PRKAR2B: variants seen among roughly 807,000 people sequenced by gnomAD.
PRKAR2B encodes cAMP-dependent protein kinase type II-beta regulatory subunit.
PRKAR2B carries 14 observed loss-of-function variants against 49.9 expected under a neutral mutation model. The ratio of observed to expected loss-of-function variants is 0.28; its 90% CI spans 0.19 to 0.44. The LOEUF is 0.44. PRKAR2B is among the 20% of genes least tolerant of loss of function. PRKAR2B has a pLI of 1.00. For missense variants in PRKAR2B, 393 were observed against 537.9 expected, an observed-to-expected ratio of 0.73 and a Z score of 2.67; for synonymous variants, 196 against 197.7, an observed-to-expected ratio of 0.99 and a Z score of 0.07.
intron 5 of PRKAR2B, among the ~76,000 whole-genome samples, chr7:107,143,878 G>A (rs1331642248): frequency 6.6e-6 from 1 of 151,984 alleles, no homozygotes; most frequent in Non-Finnish European, 1.5e-5. Flanking sequence ...TTCTATATAT[G>A]CAAATATTCT....
Position 107,146,406 on chromosome 7 carries a change from A to G in PRKAR2B, c.686A>G (p.Asn229Ser), listed in dbSNP as rs374034733. The change falls in exon 6 of 11, where the codon AAT becomes AGT. Residue 229 changes from asparagine (N) to serine (S), a missense_variant. Asn to Ser is a conservative substitution (Grantham distance 46). Coordinates refer to ENST00000265717, the MANE Select transcript of PRKAR2B (RefSeq NM_002736.3). Reference protein sequence around the residue: ...GSFGELALMYNTPRAATITAT... With the variant: ...GSFGELALMYSTPRAATITAT... ...TTCGGCGAACTGGCCTTAATGTACA[A>G]TACACCCAGAGCAGCTACAATCACT... The G allele has an allele frequency of 5.0e-6, 8 of 1,614,062 alleles. No homozygotes were observed. Among genetic ancestry groups the G allele is most frequent in the East Asian group, 2.2e-5 (1 of 44,898 alleles).
At position 107,122,007 on chromosome 7, in the gene PRKAR2B, A is replaced by G; in HGVS notation, c.396+3A>G. ...AAGAAGATGATGCAGAGTCCAGGGTATGTAATTTACTGAATGAATGAATTT... is the reference window on the plus strand; with the variant it reads ...AAGAAGATGATGCAGAGTCCAGGGTGTGTAATTTACTGAATGAATGAATTT... On this transcript the variant is annotated splice_donor_region_variant and intron_variant, in intron 3 of 10. Coordinates refer to ENST00000265717, the MANE Select transcript of PRKAR2B (RefSeq NM_002736.3). 1 of 1,578,966 alleles carries G rather than the reference A, an allele frequency of 6.3e-7. No homozygotes were observed. The highest frequency in any genetic ancestry group is 8.6e-7 in the Non-Finnish European group (1 of 1,156,572).
chr7:107,122,088 G>T (rs1043362192), intron 3 of PRKAR2B, 84 bp downstream of exon 3: 1 of 923,076 alleles, frequency 1.1e-6, no homozygotes. Context: ...GATTTAACAG[G>T]CATGTAGGTT....
intron 2 of PRKAR2B, among the ~76,000 whole-genome samples, chr7:107,108,274 T>G (rs1795114094): frequency 6.6e-6 from 1 of 152,026 alleles, no homozygotes; most frequent in African/African-American, 2.4e-5. Context: ...AAAAGAGGAT[T>G]CAAAACAGAC....
chr7:107,157,222 A>G lies in PRKAR2B; in HGVS notation c.1021A>G (p.Ile341Val), dbSNP rs1269965585. The G allele has an allele frequency of 6.2e-7, 1 of 1,614,046 alleles. No individual in the cohort carries two copies. The highest frequency in any genetic ancestry group is 8.5e-7 in the Non-Finnish European group (1 of 1,180,026). Reference sequence around the variant, plus strand: ...AGTGGAAGAGAATGGTGCAGTAGAAATCGCTCGATGCTCGCGGGGACAGTA... The same window carrying G: ...AGTGGAAGAGAATGGTGCAGTAGAAGTCGCTCGATGCTCGCGGGGACAGTA... ...SEVEENGAVEIARCSRGQYFG... is the reference protein window; with the variant it reads ...SEVEENGAVEVARCSRGQYFG... The change falls in exon 10 of 11, where the codon ATC (isoleucine) becomes GTC (valine). Residue 341 changes from isoleucine (I) to valine (V), a missense_variant. Ile to Val is a conservative substitution (Grantham distance 29). Around this residue, in one of 2 missense-constraint regions of PRKAR2B, gnomAD observed 233 missense variants for 390.4 expected, o/e 0.60. Coordinates refer to ENST00000265717, the MANE Select transcript of PRKAR2B (RefSeq NM_002736.3).
Position 107,140,828 on chromosome 7 carries a change from C to T in PRKAR2B, c.481-19C>T, listed in dbSNP as rs1366750743. On this transcript the variant is annotated intron_variant, in intron 4 of 10. Coordinates refer to ENST00000265717, the MANE Select transcript of PRKAR2B (RefSeq NM_002736.3). The stretch of plus-strand genomic sequence containing the variant: ...TCTAGATAAACATAAAGATTATATC[C>T]CATCTTTTTTAAAAATAGGAGCAGA... The T allele has an allele frequency of 6.5e-7, 1 of 1,545,976 alleles. No individual in the cohort carries two copies. The highest frequency in any genetic ancestry group is 1.2e-5 in the South Asian group (1 of 86,780).
intron 2 of PRKAR2B, among the ~76,000 whole-genome samples, chr7:107,106,006 T>G (rs1795063370): frequency 6.6e-6 from 1 of 152,198 alleles, no homozygotes; most frequent in African/African-American, 2.4e-5. Flanking sequence ...TATTTTTGCC[T>G]ATTGTAGCTT....
At chr7:107,121,234 C>T (rs1795381732) in intron 2 of PRKAR2B, among the ~76,000 whole-genome samples, 2 of 151,840 alleles carry the variant, frequency 1.3e-5, no homozygotes, top group South Asian at 4.1e-4. Context: ...GGGAATAATG[C>T]TTACAGCATA....
chr7:107,145,603 G>A (rs997911436), intron 5 of PRKAR2B, among the ~76,000 whole-genome samples: 3 of 151,960 alleles, frequency 2.0e-5, no homozygotes, highest in Non-Finnish European at 4.4e-5. Context: ...ATTTTTTATA[G>A]AGATGGGATC....
At chr7:107,046,204 A>C (rs947256571) in intron 1 of PRKAR2B, among the ~76,000 whole-genome samples, 4 of 152,132 alleles carry the variant, frequency 2.6e-5, no homozygotes, top group African/African-American at 4.8e-5. Context: ...CCCAAATCTC[A>C]TTTTTATGGC....
Position 107,157,096 on chromosome 7 carries a change from A to T in PRKAR2B, c.984+47A>T, listed in dbSNP as rs192774114. 3.3e-4 allele frequency: 527 copies of T among 1,607,108 alleles called. 1 individual carries two copies. Among genetic ancestry groups the T allele is most frequent in the South Asian group, 2.3e-3 (209 of 90,502 alleles). ...AACCCACATACTGTTAGCAAGGAAC[A>T]CAACAGATCTACTTTTTGATGTTTA... is the stretch of plus-strand genomic sequence containing the variant. On this transcript the variant is annotated intron_variant, in intron 9 of 10. Coordinates refer to ENST00000265717, the MANE Select transcript of PRKAR2B (RefSeq NM_002736.3).
At chr7:107,154,231 G>A (rs1796039262) in intron 8 of PRKAR2B, among the ~76,000 whole-genome samples, 1 of 152,134 alleles carries the variant, frequency 6.6e-6, no homozygotes, top group African/African-American at 2.4e-5. Context: ...AATAATTATA[G>A]ATTCACAGGA....
intron 2 of PRKAR2B, among the ~76,000 whole-genome samples, chr7:107,100,823 CTT>C (rs1390181928): frequency 2.2e-5 from 3 of 139,184 alleles, no homozygotes; most frequent in Non-Finnish European, 3.1e-5. Context: ...CCAGAACTTG[CTT>C]TTTTTTTTTT....
chr7:107,119,661 A>G (rs1487106992), intron 2 of PRKAR2B, among the ~76,000 whole-genome samples: 2 of 152,216 alleles, frequency 1.3e-5, no homozygotes, highest in Non-Finnish European at 2.9e-5. Context: ...TCCCTGAAAC[A>G]TTCAATTTAT....
chr7:107,092,668 A>G (rs1419629113), intron 2 of PRKAR2B, among the ~76,000 whole-genome samples: 2 of 152,212 alleles, frequency 1.3e-5, no homozygotes, highest in Non-Finnish European at 1.5e-5. Flanking sequence ...GTTTACTCAC[A>G]TACTTATTTA....
intron 5 of PRKAR2B, among the ~76,000 whole-genome samples, chr7:107,145,157 C>T (rs1451581577): frequency 1.3e-5 from 2 of 152,088 alleles, no homozygotes; most frequent in East Asian, 1.9e-4. Flanking sequence ...AGTAAAGGGC[C>T]AGAGAGTAAA....
chr7:107,124,008 G>T (rs895900452), intron 3 of PRKAR2B, among the ~76,000 whole-genome samples: 1 of 152,134 alleles, frequency 6.6e-6, no homozygotes, highest in Non-Finnish European at 1.5e-5. Flanking sequence ...GATGTAGAAG[G>T]ATATTGGGAA....
chr7:107,092,670 A>G (rs1245010500), intron 2 of PRKAR2B, among the ~76,000 whole-genome samples: 1 of 152,178 alleles, frequency 6.6e-6, no homozygotes, highest in African/African-American at 2.4e-5. Flanking sequence ...TTACTCACAT[A>G]CTTATTTAAA....
chr7:107,103,572 C>A (rs1299148533), intron 2 of PRKAR2B, among the ~76,000 whole-genome samples: 1 of 152,192 alleles, frequency 6.6e-6, no homozygotes, highest in East Asian at 1.9e-4. Context: ...CGCAAACAGA[C>A]CAGCAAACTA....
Sources: gnomAD v4.1 joint callset for allele counts (sites outside exome capture counted in the v4.1 genomes callset) on GRCh38, gnomAD v4.1.1 for gene constraint, gnomAD v4.1.1 regional missense constraint, MANE v1.5 for transcripts, NCBI Gene and HGNC (gene_info 2026-07-23, HGNC 2026-07-21) for gene names.